Variants in STAT4 observed in about 807,000 individuals in gnomAD.
STAT4 encodes signal transducer and activator of transcription 4.
Under a neutral mutation model 110.5 loss-of-function variants are expected in STAT4, and 42 were observed. That is an observed-to-expected ratio of 0.38 (90% CI 0.30 to 0.49). STAT4 has a LOEUF of 0.49. Ranked by LOEUF, STAT4 falls within the 20% of genes least tolerant of loss-of-function variation. The pLI is 0.95. For missense variants in STAT4, 632 were observed against 887.9 expected (o/e 0.71, Z 3.66); for synonymous variants, 284 against 302.2 (o/e 0.94, Z 0.63).
Position 191,077,091 on chromosome 2 carries a change from T to C in STAT4, c.274-766A>G, listed in dbSNP as rs143935747. 2.0e-5 allele frequency among the ~76,000 whole-genome samples: 3 copies of C among 152,322 alleles called. No individual in the cohort carries two copies. Among genetic ancestry groups the C allele is most frequent in the Admixed American group, 2.0e-4 (3 of 15,284 alleles). Reference sequence around the variant, plus strand: ...AGTATACTAGAGTGAAACTATATGATACATTGTTTCAGCAACTATATTTTT... The same window carrying C: ...AGTATACTAGAGTGAAACTATATGACACATTGTTTCAGCAACTATATTTTT... On this transcript the variant is annotated intron_variant, in intron 3 of 23. Transcript: ENST00000392320. The surrounding 1 kb of genome is among the most constrained non-coding windows in gnomAD (Gnocchi z 4.1).
chr2:191,095,049 G>A (rs926435669), intron 3 of STAT4, among the ~76,000 whole-genome samples: 1 of 151,894 alleles, frequency 6.6e-6, no homozygotes, highest in African/African-American at 2.4e-5. Context: ...AACAAGAAGA[G>A]CTAACTATCC....
At chr2:191,049,657 ATATT>A (rs1198168692) in intron 14 of STAT4, among the ~76,000 whole-genome samples, 2 of 152,230 alleles carry the variant, frequency 1.3e-5, no homozygotes, top group African/African-American at 4.8e-5. Context: ...CATTTAGTGA[ATATT>A]TATTGAGCAT....
At chr2:191,069,919 A>C (rs1697095135) in intron 5 of STAT4, 148 bp from the exon 6 acceptor site, 2 of 577,602 alleles carry the variant, frequency 3.5e-6, no homozygotes, top group Admixed American at 3.6e-5. Flanking sequence ...CTAAAGAGCT[A>C]ATTCATATAA....
intron 3 of STAT4, among the ~76,000 whole-genome samples, chr2:191,085,360 T>C (rs1197063215): frequency 6.6e-6 from 1 of 151,866 alleles, no homozygotes; most frequent in Non-Finnish European, 1.5e-5. Flanking sequence ...TTACTTGATA[T>C]GTTAAAGTCA....
rs62179926 is a variant in STAT4, at chr2:191,044,772, G to A, written c.1252-3624C>T. Reference sequence around the variant, plus strand: ...TGTTGCCAAGAAAAAAGGAAGAAAGGAACTCATAGATGGACATGTTTGACC... The same window carrying A: ...TGTTGCCAAGAAAAAAGGAAGAAAGAAACTCATAGATGGACATGTTTGACC... On this transcript the variant is annotated intron_variant, in intron 14 of 23. Coordinates refer to ENST00000392320, the MANE Select transcript of STAT4 (RefSeq NM_003151.4). Among the ~76,000 whole-genome samples the A allele has an allele frequency of 3.2e-3, 486 of 152,256 alleles. 2 individuals carry two copies. The highest frequency in any genetic ancestry group is 0.027 in the Middle Eastern group (8 of 294).
At chr2:191,118,319 G>A (rs988682286) in intron 3 of STAT4, among the ~76,000 whole-genome samples, 1 of 152,142 alleles carries the variant, frequency 6.6e-6, no homozygotes, top group Non-Finnish European at 1.5e-5. Flanking sequence ...TTGAGATTCT[G>A]GGATTGAAGT....
Position 191,082,444 on chromosome 2 carries a change from C to A in STAT4, c.274-6119G>T, listed in dbSNP as rs999542121. ...GCACATAATTCGATTGAAGTGACAACAACATGATAGCTTTGACCCAGTTTC... is the reference window on the plus strand; with the variant it reads ...GCACATAATTCGATTGAAGTGACAAAAACATGATAGCTTTGACCCAGTTTC... On this transcript the variant is annotated intron_variant, in intron 3 of 23. Coordinates refer to ENST00000392320, the MANE Select transcript of STAT4 (RefSeq NM_003151.4). This position sits in a 1 kb window ranked among gnomAD's most constrained non-coding sequence, Gnocchi z 4.7. 2.6e-5 allele frequency among the ~76,000 whole-genome samples: 4 copies of A among 152,222 alleles called. No homozygotes were observed. The highest frequency in any genetic ancestry group is 9.6e-5 in the African/African-American group (4 of 41,452).
chr2:191,044,614 T>C (rs1445190464), intron 14 of STAT4, among the ~76,000 whole-genome samples: 1 of 152,008 alleles, frequency 6.6e-6, no homozygotes, highest in Non-Finnish European at 1.5e-5. Flanking sequence ...CTCCCTAGGA[T>C]AACGGTGAAA....
rs561743534 is a variant in STAT4 at position 191,146,077 on chromosome 2, G to A, written c.273+536C>T. 6.1e-4 allele frequency among the ~76,000 whole-genome samples: 93 copies of A among 152,236 alleles called. No homozygotes were observed. The highest frequency in any genetic ancestry group is 2.1e-3 in the African/African-American group (88 of 41,526). ...AACACATAGAAATAGCAATAATGTC[G>A]AATATACTAAATGCCACAGTATCGA... On this transcript the variant is annotated intron_variant, in intron 3 of 23. Transcript: ENST00000392320. This position sits in a 1 kb window ranked among gnomAD's most constrained non-coding sequence, Gnocchi z 4.5.
At chr2:191,096,943 T>C (rs1698004591) in intron 3 of STAT4, among the ~76,000 whole-genome samples, 2 of 152,312 alleles carry the variant, frequency 1.3e-5, no homozygotes, top group South Asian at 4.1e-4. Context: ...AAAATCAATG[T>C]GCAAAAATCA....
At chr2:191,131,898 G>T in intron 3 of STAT4, 1 of 1,417,804 alleles carries the variant, frequency 7.1e-7, no homozygotes, top group Non-Finnish European at 9.2e-7. Context: ...CCAACCCTGG[G>T]GACTAAAGCA....
Position 191,099,125 on chromosome 2 carries a change from ATAGT to A in STAT4, c.274-22804_274-22801del, listed in dbSNP as rs1460555756. Among the ~76,000 whole-genome samples, 1 of 152,076 alleles carries A rather than the reference ATAGT, an allele frequency of 6.6e-6. No homozygotes were observed. Among genetic ancestry groups the A allele is most frequent in the Non-Finnish European group, 1.5e-5 (1 of 67,990 alleles). On this transcript the variant is annotated intron_variant, in intron 3 of 23. Transcript: ENST00000392320. The surrounding 1 kb of genome is among the most constrained non-coding windows in gnomAD (Gnocchi z 4.1). ...TGGGAAAGGATGCCCCATCTCCCAA[ATAGT>A]TAGGAAAAAAGCAAATTTAAAATAA...
chr2:191,105,412 T>A (rs550690066), intron 3 of STAT4, among the ~76,000 whole-genome samples: 2 of 152,344 alleles, frequency 1.3e-5, no homozygotes, highest in East Asian at 3.9e-4. Context: ...AACCTATGCA[T>A]GTTTGCTTGT....
At chr2:191,102,500 C>T (rs1374277486) in intron 3 of STAT4, among the ~76,000 whole-genome samples, 1 of 152,130 alleles carries the variant, frequency 6.6e-6, no homozygotes, top group East Asian at 1.9e-4. Context: ...AGGTAGATAA[C>T]CTCACATTCA....
intron 3 of STAT4, among the ~76,000 whole-genome samples, chr2:191,141,699 C>T (rs186989225): frequency 4.0e-5 from 6 of 151,364 alleles, no homozygotes; most frequent in African/African-American, 7.3e-5. Flanking sequence ...GGCACTATCT[C>T]GGCTCACTGC....
At position 191,046,157 on chromosome 2, in the gene STAT4, A is replaced by T. The variant is rs924546686; in HGVS notation, c.1252-5009T>A. ...TTATCTCTGAGTTCAATGGTGCAGAACATTTGAGAGGCCTCAGGCAAGTGC... is the reference window on the plus strand; with the variant it reads ...TTATCTCTGAGTTCAATGGTGCAGATCATTTGAGAGGCCTCAGGCAAGTGC... On this transcript the variant is annotated intron_variant, in intron 14 of 23. Transcript: ENST00000392320. The surrounding 1 kb of genome is among the most constrained non-coding windows in gnomAD (Gnocchi z 4.6). 2.6e-5 allele frequency among the ~76,000 whole-genome samples: 4 copies of T among 152,252 alleles called. No homozygotes were observed. Among genetic ancestry groups the T allele is most frequent in the Non-Finnish European group, 4.4e-5 (3 of 68,046 alleles).
At chr2:191,040,680 G>A (rs1696168180) in intron 15 of STAT4, among the ~76,000 whole-genome samples, 1 of 152,076 alleles carries the variant, frequency 6.6e-6, no homozygotes, top group Non-Finnish European at 1.5e-5. Context: ...TCCTGCCTCT[G>A]CCTCCTGAGT....
Position 191,107,993 on chromosome 2 carries a change from G to A in STAT4, c.274-31668C>T, listed in dbSNP as rs1316239844. On this transcript the variant is annotated intron_variant, in intron 3 of 23. Coordinates refer to ENST00000392320, the MANE Select transcript of STAT4 (RefSeq NM_003151.4). The surrounding 1 kb of genome is among the most constrained non-coding windows in gnomAD (Gnocchi z 4.2). Reference sequence around the variant, plus strand: ...TGAAGCACACCAAGAATGAAAGAAAGACATTATCCATTGTTGGCCGGGTGC... The same window carrying A: ...TGAAGCACACCAAGAATGAAAGAAAAACATTATCCATTGTTGGCCGGGTGC... 6.6e-6 allele frequency among the ~76,000 whole-genome samples: 1 copy of A among 152,078 alleles called. No homozygotes were observed. The highest frequency in any genetic ancestry group is 2.4e-5 in the African/African-American group (1 of 41,390).
intron 3 of STAT4, among the ~76,000 whole-genome samples, chr2:191,087,624 G>A (rs996948587): frequency 4.6e-5 from 7 of 152,072 alleles, no homozygotes; most frequent in Non-Finnish European, 8.8e-5. Context: ...GGCCACCTTT[G>A]CTGGTCTTGT....
Sources: gnomAD v4.1 joint callset for allele counts (sites outside exome capture counted in the v4.1 genomes callset) on GRCh38, gnomAD v4.1.1 for gene constraint, Gnocchi (gnomAD v3.1) non-coding constraint, MANE v1.5 for transcripts, NCBI Gene and HGNC (gene_info 2026-07-23, HGNC 2026-07-21) for gene names.